The following COP1 variants were observed in gnomAD, a reference collection of about 807,000 sequenced individuals.
COP1 encodes the protein COP1 E3 ubiquitin ligase.
In COP1, 24 loss-of-function variants were observed where a neutral mutation model predicts 101.3. That is an observed-to-expected ratio of 0.24 (90% confidence interval 0.17 to 0.33). COP1 has a LOEUF of 0.33. Ranked by LOEUF, COP1 falls within the 10% of genes least tolerant of loss-of-function variation. The probability of loss-of-function intolerance (pLI) is 1.00; values close to 1 mark genes in which losing one functional copy is unlikely to be tolerated. For missense variants in COP1, 663 were observed against 906.2 expected, an observed-to-expected ratio of 0.73 and a Z score of 3.45; for synonymous variants, 347 against 341.9, an observed-to-expected ratio of 1.01 and a Z score of -0.17.
chr1:176,015,429 A>T (rs1404300659), intron 15 of COP1, among the ~76,000 whole-genome samples: 1 of 152,166 alleles, frequency 6.6e-6, no homozygotes, highest in African/African-American at 2.4e-5. Context: ...TATTAACCAA[A>T]AGTAAAGGGA....
At chr1:175,975,932 G>C (rs1254361720) in intron 18 of COP1, among the ~76,000 whole-genome samples, 1 of 152,186 alleles carries the variant, frequency 6.6e-6, no homozygotes, top group Non-Finnish European at 1.5e-5. Context: ...CTACCAGTAA[G>C]AACAGTGAGA....
chr1:176,111,003 T>A (rs1395301950), intron 9 of COP1, among the ~76,000 whole-genome samples: 1 of 152,028 alleles, frequency 6.6e-6, no homozygotes, highest in African/African-American at 2.4e-5. Context: ...AATACAAAAA[T>A]TAGCTGGGTG....
At chr1:175,945,245 T>C in intron 19 of COP1, 75 bp from the exon 20 acceptor site, 7 of 1,069,646 alleles carry the variant, frequency 6.5e-6, no homozygotes, top group Non-Finnish European at 9.5e-6. Context: ...CTCTTTACTA[T>C]ATTTACCAAT....
chr1:176,193,140 G>C (rs1000211507), intron 1 of COP1, among the ~76,000 whole-genome samples: 5 of 152,018 alleles, frequency 3.3e-5, no homozygotes, highest in African/African-American at 1.2e-4. Flanking sequence ...CCTTTAAAGA[G>C]TAATAAATGA....
intron 8 of COP1, among the ~76,000 whole-genome samples, chr1:176,129,445 A>T (rs561795129): frequency 3.6e-4 from 54 of 151,880 alleles, no homozygotes; most frequent in East Asian, 2.7e-3. Flanking sequence ...ACAATTTTTT[A>T]AAAAAAATGA....
chr1:176,029,692 G>A (rs1393371080), intron 14 of COP1, among the ~76,000 whole-genome samples: 1 of 152,112 alleles, frequency 6.6e-6, no homozygotes. Flanking sequence ...ATTGGGAATG[G>A]AAGCATAGTA....
In COP1 at chr1:176,046,029, ATAAG is replaced by A. The variant is rs1398193645; in HGVS notation, c.1421+148_1421+151del. The A allele has an allele frequency of 1.6e-5, 8 of 491,650 alleles. No homozygotes were observed. The Admixed American group carries it at 1.7e-4, about 10-fold the overall frequency. The allele number at this position is 491,650 out of a possible 1,614,324, so 30.5% of individuals were successfully genotyped here. On this transcript the variant is annotated intron_variant, in intron 12 of 19. Coordinates refer to ENST00000367669, the MANE Select transcript of COP1 (RefSeq NM_022457.7). The stretch of plus-strand genomic sequence containing the variant: ...AACCAATATCTGTAAGAAAGATGAT[ATAAG>A]TAATAATATATACTCTGTATACATA...
At chr1:176,166,002 G>T (rs901506535) in intron 3 of COP1, among the ~76,000 whole-genome samples, 2 of 152,064 alleles carry the variant, frequency 1.3e-5, no homozygotes, top group African/African-American at 4.8e-5. Flanking sequence ...TGAATATGCC[G>T]CATTGAATTT....
In COP1 at chr1:176,104,385, T is replaced by C. The variant is rs997724252; in HGVS notation, c.1026+12239A>G. ...AAAAAAATAAAATAGGAAGAAAATA[T>C]AGGCAACACAGGTCATAGGTAACAG... On this transcript the variant is annotated intron_variant, in intron 9 of 19. Transcript: ENST00000367669. 5.9e-5 allele frequency among the ~76,000 whole-genome samples: 9 copies of C among 152,030 alleles called. No individual in the cohort carries two copies. The South Asian group carries it at 6.2e-4, about 10-fold the overall frequency.
intron 1 of COP1, among the ~76,000 whole-genome samples, chr1:176,189,271 T>A (rs1429121187): frequency 1.3e-5 from 2 of 152,134 alleles, no homozygotes; most frequent in Admixed American, 6.5e-5. Context: ...TTTATTATTG[T>A]TACTGCATTT....
At chr1:176,123,260 G>A (rs1287715157) in intron 8 of COP1, among the ~76,000 whole-genome samples, 1 of 152,176 alleles carries the variant, frequency 6.6e-6, no homozygotes, top group Non-Finnish European at 1.5e-5. Flanking sequence ...CAGGGATGTG[G>A]TGAATGGGAA....
intron 15 of COP1, among the ~76,000 whole-genome samples, chr1:176,025,459 CA>C (rs543516890): frequency 0.017 from 1,318 of 78,918 alleles, 10 homozygotes; most frequent in Non-Finnish European, 0.024. Flanking sequence ...CTACATTTAG[CA>C]AAAAAAAAAA....
At chr1:175,968,507 T>G (rs1187155856) in intron 18 of COP1, 1 of 518,920 alleles carries the variant, frequency 1.9e-6, no homozygotes, top group Non-Finnish European at 3.8e-6. Flanking sequence ...CATTTTTTCA[T>G]TTGTCCACAT....
In COP1 at chr1:176,116,863, C is replaced by T. The variant is rs569238785; in HGVS notation, c.969-182G>A. On this transcript the variant is annotated intron_variant, in intron 8 of 19. Transcript: ENST00000367669. The stretch of plus-strand genomic sequence containing the variant: ...CATAAAATATCAGCAAATATTTAAG[C>T]AATTTACCACTTCAACCCACCACCT... Among the ~76,000 whole-genome samples the T allele has an allele frequency of 2.5e-3, 380 of 152,222 alleles. 2 individuals are homozygous for T. The highest frequency in any genetic ancestry group is 8.9e-3 in the African/African-American group (371 of 41,548).
intron 18 of COP1, among the ~76,000 whole-genome samples, chr1:175,948,138 T>C (rs1347973421): frequency 6.6e-6 from 1 of 152,226 alleles, no homozygotes; most frequent in Admixed American, 6.5e-5. Flanking sequence ...TGGTGAAGTA[T>C]TTTTCTATTC....
rs553749276 is a variant in COP1 at position 176,206,657 on chromosome 1, T to C, written c.322A>G (p.Ser108Gly). 37 of 1,611,358 alleles carry C rather than the reference T, an allele frequency of 2.3e-5. 1 individual carries two copies. The South Asian group carries it at 3.6e-4, about 16-fold the overall frequency. Residue 108 changes from serine to glycine, a missense_variant, in exon 1 of 20, where the codon AGC (serine) becomes GGC (glycine). Physicochemically the swap from Ser to Gly is moderately conservative, Grantham distance 56. Around this residue, in one of 4 missense-constraint regions of COP1, gnomAD observed 204 missense variants for 203.6 expected, o/e 1.00. Coordinates refer to ENST00000367669, the MANE Select transcript of COP1 (RefSeq NM_022457.7). ...AGGAGAGGTCGCTTCCTGCTGCCGC[T>C]GCCTAGGCTGGAGCTGCTGCCTCCT... is the stretch of plus-strand genomic sequence containing the variant. ...GVGGSSSSLG[S>G]GSRKRPLLAP...
chr1:176,059,010 T>C (rs968810561), intron 11 of COP1, among the ~76,000 whole-genome samples: 34 of 152,214 alleles, frequency 2.2e-4, no homozygotes, highest in Admixed American at 2.1e-3. Flanking sequence ...GATTGGAGCT[T>C]TGAAGCCTTG....
intron 9 of COP1, among the ~76,000 whole-genome samples, chr1:176,096,877 C>G (rs1270371955): frequency 1.3e-5 from 2 of 152,172 alleles, no homozygotes; most frequent in African/African-American, 4.8e-5. Context: ...CAGAGCCAGA[C>G]CTGTAACCAC....
chr1:175,993,173 A>T (rs545314870), intron 15 of COP1, among the ~76,000 whole-genome samples: 10 of 152,372 alleles, frequency 6.6e-5, no homozygotes, highest in Middle Eastern at 3.4e-3. Context: ...ACAGACCTGC[A>T]GCTGAGGGTC....
Sources: allele counts gnomAD v4.1 joint callset (sites outside exome capture counted in the v4.1 genomes callset), GRCh38; gene constraint gnomAD v4.1.1; regional missense constraint gnomAD v4.1.1; transcripts MANE v1.5; gene names NCBI Gene and HGNC (gene_info 2026-07-23, HGNC 2026-07-21).